The following SYS1 variants were observed in gnomAD, a reference collection of about 807,000 sequenced individuals.
The protein encoded by SYS1 is SYS1 golgi trafficking protein, also known as protein SYS1 homolog.
SYS1 carries 8 observed loss-of-function variants against 17.8 expected under a neutral mutation model. The ratio of observed to expected loss-of-function variants is 0.45; its 90% CI spans 0.26 to 0.81. The LOEUF (loss-of-function observed/expected upper bound fraction) is 0.81, where lower values mean the gene tolerates loss of function less well. Among genes scored for constraint, SYS1 ranks in the 40% least tolerant of loss-of-function variants. SYS1 has a pLI of 0.16. For synonymous variants in SYS1, 95 were observed against 90.9 expected (o/e 1.05, Z -0.26); for missense variants, 161 against 203.9 (o/e 0.79, Z 1.28).
At chr20:45,375,786 G>C in exon 4 of SYS1, 1 of 552,010 alleles carries the variant, frequency 1.8e-6, no homozygotes, top group South Asian at 2.4e-5. Flanking sequence ...AGGCCCCTAA[G>C]AATGAATATT....
exon 4 of SYS1, chr20:45,375,461 C>CT (rs1414398266): frequency 6.2e-7 from 1 of 1,614,078 alleles, no homozygotes; most frequent in Non-Finnish European, 8.5e-7. Context: ...CCTGTGGACT[C>CT]TAATTTCTTG....
chr20:45,374,168 G>T, downstream of SYS1: 1 of 688,156 alleles, frequency 1.5e-6, no homozygotes, highest in Non-Finnish European at 2.6e-6. Flanking sequence ...AGACCCGGTG[G>T]GCACTCACCC....
Position 45,367,876 on chromosome 20 carries a change from G to T in SYS1, c.*761G>T. The stretch of plus-strand genomic sequence containing the variant: ...AAGACACTGCCTGTCTTCTAGGAAT[G>T]ACCAGGCACCCAGCTCCCACTGGAC... On this transcript the variant is annotated 3_prime_UTR_variant, in exon 4 of 4. Coordinates refer to ENST00000243918, the MANE Select transcript of SYS1 (RefSeq NM_033542.4). 1 of 985,834 alleles carries T rather than the reference G, an allele frequency of 1.0e-6. No homozygotes were observed. Among genetic ancestry groups the T allele is most frequent in the Non-Finnish European group, 1.2e-6 (1 of 829,966 alleles). The allele number at this position is 985,834 out of a possible 1,614,324, so 61.1% of individuals were successfully genotyped here. A position where few individuals can be genotyped will look rare whatever the true frequency, so the allele number is the denominator to read the frequency against.
chr20:45,365,607 A>G lies in SYS1; in HGVS notation c.163-12A>G. The G allele has an allele frequency of 6.2e-7, 1 of 1,613,858 alleles. No individual in the cohort carries two copies. On this transcript the variant is annotated splice_polypyrimidine_tract_variant and intron_variant, in intron 2 of 3. Coordinates refer to ENST00000243918, the MANE Select transcript of SYS1 (RefSeq NM_033542.4). ...CTTCTCCAGTATATTTCCATTTGTGATTCCCCCTCAGATCCTGGGCTTTTC... is the reference window on the plus strand; with the variant it reads ...CTTCTCCAGTATATTTCCATTTGTGGTTCCCCCTCAGATCCTGGGCTTTTC...
Position 45,365,706 on chromosome 20 carries a change from C to T in SYS1, c.230+20C>T, listed in dbSNP as rs1360353477. ...CACCTGGTGAGTATCACCAGTTTTG[C>T]TATCCAGCTTTTGGGCTCTTAGTGC... On this transcript the variant is annotated intron_variant, in intron 3 of 3. Transcript: ENST00000243918. The T allele has an allele frequency of 1.2e-6, 2 of 1,612,602 alleles. No homozygotes were observed. Among genetic ancestry groups the T allele is most frequent in the African/African-American group, 2.7e-5 (2 of 74,876 alleles).
chr20:45,365,881 T>C, intron 3 of SYS1, 195 bp downstream of exon 3: 1 of 615,970 alleles, frequency 1.6e-6, no homozygotes. Flanking sequence ...GGAAAGCTCT[T>C]ATGTCACTAT....
downstream of SYS1, chr20:45,373,082 C>T (rs1001763464): frequency 6.6e-6 from 1 of 152,512 alleles, no homozygotes; most frequent in African/African-American, 2.4e-5. Context: ...TGCAGCCTGC[C>T]TCTGGGGAAT....
At chr20:45,364,495 G>A (rs1273366317) in intron 2 of SYS1, among the ~76,000 whole-genome samples, 3 of 94,922 alleles carry the variant, frequency 3.2e-5, no homozygotes, top group South Asian at 3.7e-4. Flanking sequence ...TTTTTGAGAC[G>A]GAGTCTCCCT....
At chr20:45,364,934 G>A (rs1349241681) in intron 2 of SYS1, among the ~76,000 whole-genome samples, 4 of 152,210 alleles carry the variant, frequency 2.6e-5, no homozygotes, top group African/African-American at 9.7e-5. Context: ...GATTATGTAT[G>A]TCAAAGACCT....
downstream of SYS1, chr20:45,373,779 G>A (rs1393642742): frequency 1.2e-6 from 1 of 843,334 alleles, no homozygotes; most frequent in African/African-American, 1.7e-5. Flanking sequence ...GCCTCGGGGT[G>A]GGGGTGGGGG....
intron 1 of SYS1, 32 bp from the exon 2 acceptor site, chr20:45,363,497 C>T (rs1344678477): frequency 6.4e-7 from 1 of 1,563,640 alleles, no homozygotes; most frequent in African/African-American, 1.3e-5. Flanking sequence ...GGAGACAGGC[C>T]GCTGGCTGAG....
downstream of SYS1, among the ~76,000 whole-genome samples, chr20:45,370,393 T>C (rs1248534591): frequency 1.3e-5 from 2 of 152,190 alleles, no homozygotes; most frequent in Non-Finnish European, 2.9e-5. Flanking sequence ...CCACCTGAAC[T>C]CTGGCCATTC....
At chr20:45,370,416 G>A (rs1988537287), downstream of SYS1, among the ~76,000 whole-genome samples, 1 of 152,158 alleles carries the variant, frequency 6.6e-6, no homozygotes, top group Admixed American at 6.5e-5. Flanking sequence ...AGAGAAAAGT[G>A]GAGACTCCTA....
exon 4 of SYS1, chr20:45,374,548 A>C (rs144549292): frequency 6.2e-5 from 32 of 515,230 alleles, no homozygotes; most frequent in African/African-American, 6.2e-4. Flanking sequence ...CTGGGATTAC[A>C]GGCGTGAGCC....
chr20:45,375,604 C>T, exon 4 of SYS1: 1 of 1,551,058 alleles, frequency 6.4e-7, no homozygotes, highest in Admixed American at 1.9e-5. Context: ...GCCCTGGTTC[C>T]CGAGACAGTT....
In SYS1 at chr20:45,363,261, C is replaced by T; in HGVS notation, c.-58C>T. 1 of 1,214,976 alleles carries T rather than the reference C, an allele frequency of 8.2e-7. No individual in the cohort carries two copies. The highest frequency in any genetic ancestry group is 4.0e-5 in the East Asian group (1 of 25,218). The allele number at this position is 1,214,976 out of a possible 1,614,324, so 75.3% of individuals were successfully genotyped here. Reference sequence around the variant, plus strand: ...CTGTCTGTCAGCGCTGTTTTGGGAGCCCGCCGGTGAGGCCGGGCCACGCTC... The same window carrying T: ...CTGTCTGTCAGCGCTGTTTTGGGAGTCCGCCGGTGAGGCCGGGCCACGCTC... On this transcript the variant is annotated 5_prime_UTR_variant, in exon 1 of 4. Coordinates refer to ENST00000243918, the MANE Select transcript of SYS1 (RefSeq NM_033542.4).
chr20:45,361,982 C>T (rs1988238405), upstream of SYS1: 1 of 985,134 alleles, frequency 1.0e-6, no homozygotes. Context: ...GAGGGGGAAC[C>T]TAGGATCAAT....
At chr20:45,376,711 C>T (rs1988744409) in exon 4 of SYS1, 1 of 151,566 alleles carries the variant, frequency 6.6e-6, no homozygotes, top group Non-Finnish European at 1.5e-5. Context: ...TTTCTTAATA[C>T]TGTCATGTGA....
chr20:45,363,431 G>T (rs1988288501), intron 1 of SYS1, 98 bp from the exon 2 acceptor site: 1 of 1,468,112 alleles, frequency 6.8e-7, no homozygotes, highest in African/African-American at 1.4e-5. Context: ...CTGACTCTTG[G>T]AATGGGCTCA....
Sources: gnomAD v4.1 joint callset for allele counts (sites outside exome capture counted in the v4.1 genomes callset) on GRCh38, gnomAD v4.1.1 for gene constraint, MANE v1.5 for transcripts, NCBI Gene and HGNC (gene_info 2026-07-23, HGNC 2026-07-21) for gene names.